Variants in ESR1 observed in about 807,000 individuals in gnomAD.
ESR1 encodes the protein estrogen receptor 1.
A neutral mutation model predicts 52.7 loss-of-function variants in ESR1; 12 were observed. The ratio of observed to expected loss-of-function variants is 0.23; its 90% CI spans 0.15 to 0.37. The LOEUF (loss-of-function observed/expected upper bound fraction) is 0.37. ESR1 is among the 10% of genes least tolerant of loss of function. ESR1 has a pLI of 1.00. For missense variants in ESR1, 584 were observed against 779.7 expected (o/e 0.75, Z 2.99); for synonymous variants, 305 against 316.8 (o/e 0.96, Z 0.39).
intron 5 of ESR1, among the ~76,000 whole-genome samples, chr6:152,031,788 T>A (rs1279838326): frequency 1.3e-5 from 2 of 152,208 alleles, no homozygotes; most frequent in Admixed American, 6.5e-5. Context: ...TAACTCATTT[T>A]ATGAGGCCAG....
At chr6:151,917,536 A>G (rs1410884808) in intron 3 of ESR1, among the ~76,000 whole-genome samples, 1 of 152,198 alleles carries the variant, frequency 6.6e-6, no homozygotes. Context: ...TTATAGTTTT[A>G]GGTCATAAGG....
In ESR1 at chr6:152,027,821, T is replaced by C. The variant is rs140339400; in HGVS notation, c.1235+16027T>C. Among the ~76,000 whole-genome samples the C allele has an allele frequency of 9.2e-4, 140 of 152,342 alleles. 1 individual carries two copies. In the East Asian group the frequency reaches 0.011, roughly 12 times the overall value. On this transcript the variant is annotated intron_variant, in intron 5 of 7. Transcript: ENST00000206249. ...TTGAATATGTAGACTCAAATCAGAC[T>C]TCTTGATTCTCTTGATTTATAGTTT... is the stretch of plus-strand genomic sequence containing the variant.
intron 2 of ESR1, among the ~76,000 whole-genome samples, chr6:151,857,610 C>A (rs1788098540): frequency 6.6e-6 from 1 of 152,050 alleles, no homozygotes; most frequent in Non-Finnish European, 1.5e-5. Context: ...CTCATTGCAA[C>A]CTCTGCCTCC....
chr6:152,013,305 A>T (rs902911970), intron 5 of ESR1, among the ~76,000 whole-genome samples: 1 of 151,810 alleles, frequency 6.6e-6, no homozygotes, highest in African/African-American at 2.4e-5. Context: ...TAACCAAGTG[A>T]TATCAAGTTT....
chr6:151,795,669 T>TTAC (rs1776627580), intron 2 of ESR1, among the ~76,000 whole-genome samples: 1 of 152,086 alleles, frequency 6.6e-6, no homozygotes, highest in South Asian at 2.1e-4. Flanking sequence ...AGGCATTTGG[T>TTAC]TACATCTACC....
At chr6:151,843,001 C>T (rs1014393227) in intron 2 of ESR1, among the ~76,000 whole-genome samples, 9 of 152,082 alleles carry the variant, frequency 5.9e-5, no homozygotes, top group East Asian at 1.9e-4. Flanking sequence ...TGAGTAATTC[C>T]GCTTCCTTCC....
At chr6:152,009,669 A>G (rs2042609032) in intron 4 of ESR1, among the ~76,000 whole-genome samples, 2 of 152,274 alleles carry the variant, frequency 1.3e-5, no homozygotes, top group South Asian at 4.1e-4. Context: ...ACAGTTTGAC[A>G]GTTTCTTAAA....
At chr6:151,962,645 C>T (rs1440633282) in intron 4 of ESR1, among the ~76,000 whole-genome samples, 3 of 152,250 alleles carry the variant, frequency 2.0e-5, no homozygotes, top group Admixed American at 1.3e-4. Flanking sequence ...CTTCTTACCA[C>T]AGCCCCCTAT....
chr6:151,816,167 C>G (rs1402569295), intron 1 of ESR1, among the ~76,000 whole-genome samples: 1 of 152,100 alleles, frequency 6.6e-6, no homozygotes, highest in East Asian at 1.9e-4. Flanking sequence ...AATGCTGTGA[C>G]CAAAGGCTCC....
intron 2 of ESR1, among the ~76,000 whole-genome samples, chr6:151,738,566 A>G (rs1490212441): frequency 6.6e-6 from 1 of 152,162 alleles, no homozygotes; most frequent in Non-Finnish European, 1.5e-5. Flanking sequence ...GCCCATCCTA[A>G]TAGGCATGAG....
At chr6:151,882,978 A>G (rs192087496) in intron 3 of ESR1, among the ~76,000 whole-genome samples, 67 of 152,280 alleles carry the variant, frequency 4.4e-4, no homozygotes, top group African/African-American at 1.6e-3. Context: ...TGTAAAATAT[A>G]TATCTGTATT....
intron 3 of ESR1, among the ~76,000 whole-genome samples, chr6:151,914,298 T>G (rs550880167): frequency 6.6e-6 from 1 of 152,272 alleles, no homozygotes; most frequent in Non-Finnish European, 1.5e-5. Flanking sequence ...TTTATCATCT[T>G]TATATTGCCA....
rs74630229 is a variant in ESR1, at chr6:151,875,256, C to T, written c.644-5399C>T. On this transcript the variant is annotated intron_variant, in intron 2 of 7. Coordinates refer to ENST00000206249, the MANE Select transcript of ESR1 (RefSeq NM_000125.4). ...AGAGCAGACTGCCCCTGCTTAGAAC[C>T]AAGCCTTGTTCTTGTGGATTTGAGT... 4.5e-3 allele frequency among the ~76,000 whole-genome samples: 685 copies of T among 152,280 alleles called. 6 individuals carry two copies. The highest frequency in any genetic ancestry group is 0.016 in the African/African-American group (659 of 41,558).
At chr6:151,975,026 G>A (rs1053753682) in intron 4 of ESR1, among the ~76,000 whole-genome samples, 1 of 152,194 alleles carries the variant, frequency 6.6e-6, no homozygotes, top group Non-Finnish European at 1.5e-5. Context: ...TACTCAGGCT[G>A]GGTGGAAATG....
At chr6:151,913,407 G>A (rs1584182706) in intron 3 of ESR1, among the ~76,000 whole-genome samples, 1 of 152,162 alleles carries the variant, frequency 6.6e-6, no homozygotes, top group Non-Finnish European at 1.5e-5. Context: ...AAATGACTAT[G>A]TAATTATAAT....
chr6:152,124,369 C>T (rs576928905), intron 6 of ESR1, among the ~76,000 whole-genome samples: 1 of 152,338 alleles, frequency 6.6e-6, no homozygotes, highest in East Asian at 1.9e-4. Context: ...TGTTTCTATA[C>T]ACTTCTTGTG....
intron 2 of ESR1, among the ~76,000 whole-genome samples, chr6:151,768,959 T>C (rs1271542005): frequency 6.6e-6 from 1 of 152,210 alleles, no homozygotes; most frequent in African/African-American, 2.4e-5. Flanking sequence ...AGAATATAAC[T>C]TCCTGGGCTA....
At chr6:151,850,986 G>A (rs1786589953) in intron 2 of ESR1, among the ~76,000 whole-genome samples, 1 of 152,048 alleles carries the variant, frequency 6.6e-6, no homozygotes, top group Non-Finnish European at 1.5e-5. Flanking sequence ...TCTATTAGTG[G>A]TCATAAAGCA....
chr6:151,881,563 G>A (rs937544780), intron 3 of ESR1, among the ~76,000 whole-genome samples: 10 of 152,182 alleles, frequency 6.6e-5, no homozygotes, highest in Non-Finnish European at 1.0e-4. Flanking sequence ...TCATCTTGAG[G>A]AACATTGCTT....
Sources: allele counts gnomAD v4.1 joint callset (sites outside exome capture counted in the v4.1 genomes callset), GRCh38; gene constraint gnomAD v4.1.1; transcripts MANE v1.5; gene names NCBI Gene and HGNC (gene_info 2026-07-23, HGNC 2026-07-21).